The following KCNH8 variants were observed in gnomAD, a reference collection of about 807,000 sequenced individuals.
KCNH8 encodes voltage-gated delayed rectifier potassium channel KCNH8.
A neutral mutation model predicts 103.6 loss-of-function variants in KCNH8; 70 were observed. The ratio of observed to expected loss-of-function variants is 0.68; its 90% CI spans 0.56 to 0.82. The LOEUF (loss-of-function observed/expected upper bound fraction) is 0.82, where lower values mean the gene tolerates loss of function less well. Among genes scored for constraint, KCNH8 ranks in the 40% least tolerant of loss-of-function variants. The pLI is 0.00. For synonymous variants in KCNH8, 498 were observed against 489.4 expected, an observed-to-expected ratio of 1.02 and a Z score of -0.23; for missense variants, 1,217 against 1,329.9, an observed-to-expected ratio of 0.92 and a Z score of 1.32.
intron 4 of KCNH8, chr3:19,346,666 C>G (rs765848956): frequency 1.8e-4 from 81 of 456,238 alleles, no homozygotes; most frequent in African/African-American, 1.5e-3. Flanking sequence ...TTCAGGATCC[C>G]TGAACACATC....
intron 3 of KCNH8, among the ~76,000 whole-genome samples, chr3:19,289,926 C>T (rs893396720): frequency 6.6e-6 from 1 of 152,030 alleles, no homozygotes; most frequent in Non-Finnish European, 1.5e-5. Flanking sequence ...TTTCATTGAG[C>T]AGTGGTTTGT....
At chr3:19,293,941 C>T (rs2064962935) in intron 3 of KCNH8, among the ~76,000 whole-genome samples, 1 of 152,144 alleles carries the variant, frequency 6.6e-6, no homozygotes, top group African/African-American at 2.4e-5. Context: ...AGCATTCTTG[C>T]TGTTTCAAAG....
intron 4 of KCNH8, chr3:19,346,652 G>A (rs2065733614): frequency 2.2e-6 from 1 of 456,184 alleles, no homozygotes; most frequent in Non-Finnish European, 4.4e-6. Flanking sequence ...GAATCCTCAG[G>A]TACTTCAGGA....
intron 7 of KCNH8, among the ~76,000 whole-genome samples, chr3:19,428,873 T>C (rs2067068647): frequency 6.6e-6 from 1 of 152,182 alleles, no homozygotes; most frequent in South Asian, 2.1e-4. Context: ...TTCTCTCTAC[T>C]CATGTTTCTC....
intron 3 of KCNH8, among the ~76,000 whole-genome samples, chr3:19,322,962 C>G (rs1163292655): frequency 6.6e-6 from 1 of 152,044 alleles, no homozygotes; most frequent in Non-Finnish European, 1.5e-5. Context: ...GTTCTTTCTT[C>G]TACTTGTTCA....
intron 1 of KCNH8, among the ~76,000 whole-genome samples, chr3:19,241,300 T>G (rs2064138046): frequency 6.6e-6 from 1 of 152,172 alleles, no homozygotes; most frequent in African/African-American, 2.4e-5. Flanking sequence ...CTGTCTGAGA[T>G]AGAAAGGATC....
chr3:19,241,682 G>T (rs1053484484), intron 1 of KCNH8, among the ~76,000 whole-genome samples: 1 of 151,780 alleles, frequency 6.6e-6, no homozygotes, highest in South Asian at 2.1e-4. Context: ...GTGTGTGTAT[G>T]TGTGTCTCAG....
At chr3:19,381,073 T>A (rs2066281902) in intron 5 of KCNH8, among the ~76,000 whole-genome samples, 1 of 152,248 alleles carries the variant, frequency 6.6e-6, no homozygotes. Context: ...CTTTAAATTT[T>A]ACGTTTAAAG....
At chr3:19,339,254 C>A (rs1428129459) in intron 3 of KCNH8, among the ~76,000 whole-genome samples, 3 of 152,040 alleles carry the variant, frequency 2.0e-5, no homozygotes, top group Non-Finnish European at 4.4e-5. Context: ...AATTAGATAT[C>A]TCACTGAGAA....
At chr3:19,437,422 A>G (rs1229439228) in intron 7 of KCNH8, among the ~76,000 whole-genome samples, 1 of 152,224 alleles carries the variant, frequency 6.6e-6, no homozygotes, top group Non-Finnish European at 1.5e-5. Context: ...TTAATATACA[A>G]TTAACTATAC....
chr3:19,503,060 T>C (rs2068620412), intron 11 of KCNH8, among the ~76,000 whole-genome samples: 1 of 151,282 alleles, frequency 6.6e-6, no homozygotes, highest in Non-Finnish European at 1.5e-5. Context: ...GAATCTACAA[T>C]GAACTCAAAC....
Position 19,395,267 on chromosome 3 carries a change from G to GA in KCNH8, c.1138dup (p.Met380AsnfsTer18). The GA allele has an allele frequency of 6.2e-7, 1 of 1,610,288 alleles. No individual in the cohort carries two copies. Among genetic ancestry groups the GA allele is most frequent in the Non-Finnish European group, 8.5e-7 (1 of 1,178,362 alleles). On this transcript the variant is annotated frameshift_variant, in exon 7 of 16. Transcript: ENST00000328405. LOFTEE classifies it high-confidence loss of function. Reference sequence around the variant, plus strand: ...ATGGCGTGTATCTGGTACGTCATTGGAAAAATGGAGAGGGAAGACAACAGC... The same window carrying GA: ...ATGGCGTGTATCTGGTACGTCATTGGAAAAAATGGAGAGGGAAGACAACAGC...
At chr3:19,480,779 A>G (rs2125213669) in intron 11 of KCNH8, among the ~76,000 whole-genome samples, 1 of 152,314 alleles carries the variant, frequency 6.6e-6, no homozygotes, top group East Asian at 1.9e-4. Context: ...TTTGTTACAG[A>G]TAGTATGAGT....
chr3:19,389,275 T>A (rs1359785742), intron 5 of KCNH8, among the ~76,000 whole-genome samples: 1 of 152,184 alleles, frequency 6.6e-6, no homozygotes, highest in Non-Finnish European at 1.5e-5. Flanking sequence ...AAATATCAGC[T>A]GAGTTGTGTT....
intron 5 of KCNH8, 96 bp from the exon 6 acceptor site, chr3:19,390,385 C>T: frequency 4.5e-6 from 4 of 884,900 alleles, no homozygotes; most frequent in South Asian, 1.8e-5. Flanking sequence ...GCCTGCCTGT[C>T]TCCCTTCCTT....
At chr3:19,471,914 G>A (rs974944705) in intron 11 of KCNH8, among the ~76,000 whole-genome samples, 4 of 152,228 alleles carry the variant, frequency 2.6e-5, no homozygotes, top group African/African-American at 4.8e-5. Context: ...AGCCAAATAC[G>A]TAAGTAAAAA....
At chr3:19,489,018 T>C (rs1325295405) in intron 11 of KCNH8, among the ~76,000 whole-genome samples, 1 of 152,188 alleles carries the variant, frequency 6.6e-6, no homozygotes, top group African/African-American at 2.4e-5. Context: ...GGCACGCCTT[T>C]CCACCATGTG....
At chr3:19,224,047 C>T (rs945916151) in intron 1 of KCNH8, among the ~76,000 whole-genome samples, 1 of 152,076 alleles carries the variant, frequency 6.6e-6, no homozygotes, top group African/African-American at 2.4e-5. Context: ...TTGTGCTTCC[C>T]TATAAGAGAA....
intron 11 of KCNH8, among the ~76,000 whole-genome samples, chr3:19,509,670 A>G (rs2068750772): frequency 1.3e-5 from 2 of 152,216 alleles, no homozygotes; most frequent in Non-Finnish European, 2.9e-5. Flanking sequence ...CTGTCTTACA[A>G]TTGATGGTAT....
Sources: gnomAD v4.1 joint callset for allele counts (sites outside exome capture counted in the v4.1 genomes callset) on GRCh38, gnomAD v4.1.1 for gene constraint, MANE v1.5 for transcripts, NCBI Gene and HGNC (gene_info 2026-07-23, HGNC 2026-07-21) for gene names.